OSGIN1: variants seen among roughly 807,000 people sequenced by gnomAD.
OSGIN1 encodes oxidative stress induced growth inhibitor 1.
OSGIN1 carries 19 observed loss-of-function variants against 20.1 expected under a neutral mutation model. The ratio of observed to expected loss-of-function variants is 0.95; its 90% CI spans 0.66 to 1.39. The LOEUF is 1.39. Among genes scored for constraint, OSGIN1 ranks in the 40% most tolerant of loss-of-function variants. The probability of loss-of-function intolerance (pLI) is 0.00; values close to 1 mark genes in which losing one functional copy is unlikely to be tolerated. For missense variants in OSGIN1, 820 were observed against 653.0 expected (o/e 1.26, Z -2.79); for synonymous variants, 368 against 297.8 (o/e 1.24, Z -2.43).
chr16:83,953,839 T>A (rs1054369471), intron 1 of OSGIN1, among the ~76,000 whole-genome samples: 8 of 152,142 alleles, frequency 5.3e-5, no homozygotes, highest in Admixed American at 1.3e-4. Context: ...TTAGCTTCTC[T>A]CAGGAGGCTC....
rs750315102 is a variant in OSGIN1 at position 83,965,581 on chromosome 16, G to T, written c.1008G>T (p.Glu336Asp). ...AGCTGCCCAAGATGCTGTACCCCGA[G>T]TACCACAAGGTGCACCAGATGATGC... ...FNQLPKMLYP[E>D]YHKVHQMMRE... Residue 336 changes from glutamate (E) to aspartate (D), a missense_variant, in exon 6 of 6, where the codon GAG (glutamate) becomes GAT (aspartate). Coordinates refer to ENST00000393306, the MANE Select transcript of OSGIN1 (RefSeq NM_182981.3). 6.2e-7 allele frequency: 1 copy of T among 1,612,884 alleles called. No homozygotes were observed. The highest frequency in any genetic ancestry group is 8.5e-7 in the Non-Finnish European group (1 of 1,180,020).
intron 1 of OSGIN1, among the ~76,000 whole-genome samples, chr16:83,953,622 A>G (rs1029409689): frequency 2.6e-5 from 4 of 152,194 alleles, no homozygotes; most frequent in South Asian, 4.1e-4. Context: ...TGAAGCGGCC[A>G]CAGTCCCAGC....
At chr16:83,964,192 T>G (rs2084248966) in intron 5 of OSGIN1, among the ~76,000 whole-genome samples, 1 of 152,096 alleles carries the variant, frequency 6.6e-6, no homozygotes, top group South Asian at 2.1e-4. Context: ...TAGTTCCAGC[T>G]GCTCAGGAGG....
chr16:83,959,962 TG>T (rs2151076856), intron 3 of OSGIN1, among the ~76,000 whole-genome samples: 1 of 152,270 alleles, frequency 6.6e-6, no homozygotes, highest in African/African-American at 2.4e-5. Flanking sequence ...CCGTACCCCT[TG>T]TCTTCCACTG....
At chr16:83,964,690 C>T (rs933240550) in intron 5 of OSGIN1, among the ~76,000 whole-genome samples, 1 of 152,172 alleles carries the variant, frequency 6.6e-6, no homozygotes, top group South Asian at 2.1e-4. Flanking sequence ...CACGACCTCA[C>T]GAAATAGGTC....
intron 5 of OSGIN1, among the ~76,000 whole-genome samples, chr16:83,961,439 C>A (rs902966261): frequency 6.6e-6 from 1 of 152,136 alleles, no homozygotes; most frequent in Non-Finnish European, 1.5e-5. Context: ...ATGAGGCGAT[C>A]AGATACGCAT....
Position 83,966,179 on chromosome 16 carries a change from T to C in OSGIN1, c.*172T>C, listed in dbSNP as rs1407291603. 5.0e-6 allele frequency: 3 copies of C among 605,406 alleles called. No homozygotes were observed. Among genetic ancestry groups the C allele is most frequent in the South Asian group, 4.4e-5 (2 of 45,640 alleles). The allele number at this position is 605,406 out of a possible 1,614,324, so 37.5% of individuals were successfully genotyped here. The stretch of plus-strand genomic sequence containing the variant: ...AGGCTGCCCTGGACTTAGACCAGTG[T>C]CTGAGGTGGTAACAGCGGCCGCAGG... On this transcript the variant is annotated 3_prime_UTR_variant, in exon 6 of 6. Transcript: ENST00000393306.
chr16:83,960,562 C>G lies in OSGIN1; in HGVS notation c.205-7C>G, dbSNP rs201665235. 188 of 1,611,824 alleles carry G rather than the reference C, an allele frequency of 1.2e-4. No homozygotes were observed. The East Asian group carries it at 2.6e-3, about 22-fold the overall frequency. On this transcript the variant is annotated splice_region_variant and splice_polypyrimidine_tract_variant and intron_variant, in intron 3 of 5. Transcript: ENST00000393306. ...CAGCAGCCCCTCTGACCTATGCCCC[C>G]CTCCAGGACCTGGACTACCTGTCCG...
Position 83,965,431 on chromosome 16 carries a change from C to A in OSGIN1, c.858C>A (p.Asp286Glu). The A allele has an allele frequency of 6.3e-7, 1 of 1,590,456 alleles. No homozygotes were observed. Among genetic ancestry groups the A allele is most frequent in the Non-Finnish European group, 8.5e-7 (1 of 1,172,576 alleles). The change falls in exon 6 of 6, where the codon GAC becomes GAA. Residue 286 changes from aspartate (D) to glutamate (E), a missense_variant. Physicochemically the swap from Asp to Glu is conservative, Grantham distance 45. Coordinates refer to ENST00000393306, the MANE Select transcript of OSGIN1 (RefSeq NM_182981.3). Reference protein sequence around the residue: ...TRVGAVTPASDPVLIIGAGLS... With the variant: ...TRVGAVTPASEPVLIIGAGLS... ...TGGGTGCGGTGACCCCGGCCTCAGA[C>A]CCTGTCCTCATCATTGGCGCGGGGC...
In OSGIN1 at chr16:83,959,388, C is replaced by T. The variant is rs771647759; in HGVS notation, c.196C>T (p.Leu66=). Residue 66 remains leucine, a synonymous_variant, in exon 3 of 6, where the codon CTG becomes TTG. Coordinates refer to ENST00000393306, the MANE Select transcript of OSGIN1 (RefSeq NM_182981.3). ...KLTEAPGVSI[L]DQDLDYLSEG... is the part of the protein sequence containing the mutation. ...CACCGAGGCCCCGGGGGTCTCCATC[C>T]TGGACCAGGTGGGTCAGCCTGGGGC... The T allele has an allele frequency of 1.4e-5, 22 of 1,613,760 alleles. No individual in the cohort carries two copies. In the South Asian group the frequency reaches 2.0e-4, roughly 14 times the overall value.
In OSGIN1 at chr16:83,965,799, G is replaced by T. The variant is rs778942654; in HGVS notation, c.1226G>T (p.Gly409Val). Residue 409 changes from glycine to valine, a missense_variant, in exon 6 of 6, where the codon GGG becomes GTG. Gly to Val is a moderately radical substitution (Grantham distance 109). Coordinates refer to ENST00000393306, the MANE Select transcript of OSGIN1 (RefSeq NM_182981.3). The stretch of plus-strand genomic sequence containing the variant: ...GACCTCTCCTTCCTGCCTGGGGCAG[G>T]GGCTGACTTTGCAGTGGATCCTGAC... ...HPDLSFLPGA[G>V]ADFAVDPDQP... 1 of 1,612,980 alleles carries T rather than the reference G, an allele frequency of 6.2e-7. No individual in the cohort carries two copies. Among genetic ancestry groups the T allele is most frequent in the African/African-American group, 1.3e-5 (1 of 74,928 alleles).
At chr16:83,956,691 G>A (rs746134562) in intron 1 of OSGIN1, among the ~76,000 whole-genome samples, 5 of 152,166 alleles carry the variant, frequency 3.3e-5, no homozygotes, top group African/African-American at 4.8e-5. Context: ...AGCGTGAGGC[G>A]GATATGAGAA....
In OSGIN1 at chr16:83,965,196, C is replaced by A. The variant is rs754150189; in HGVS notation, c.623C>A (p.Pro208His). The change falls in exon 6 of 6, where the codon CCC becomes CAC. Residue 208 changes from proline (P) to histidine (H), a missense_variant. Transcript: ENST00000393306. ...GCCGTGGAGTGGGGGACCCCCGATC[C>A]CAGCAGCTGTGGGGCCCAGGACTCC... ...VTAVEWGTPD[P>H]SSCGAQDSSP... 1 of 1,613,260 alleles carries A rather than the reference C, an allele frequency of 6.2e-7. No individual in the cohort carries two copies. Among genetic ancestry groups the A allele is most frequent in the Non-Finnish European group, 8.5e-7 (1 of 1,180,008 alleles).
chr16:83,957,102 TC>T (rs1286849152), intron 1 of OSGIN1: 3 of 153,048 alleles, frequency 2.0e-5, no homozygotes, highest in Non-Finnish European at 2.9e-5. Context: ...TCCTACTGTG[TC>T]CCTCAACCAC....
At position 83,965,434 on chromosome 16, in the gene OSGIN1, T is replaced by C. The variant is rs566932575; in HGVS notation, c.861T>C (p.Pro287=). 4.1e-5 allele frequency: 66 copies of C among 1,591,598 alleles called. No individual in the cohort carries two copies. In the Middle Eastern group the frequency reaches 1.3e-3, roughly 32 times the overall value. ...GTGCGGTGACCCCGGCCTCAGACCC[T>C]GTCCTCATCATTGGCGCGGGGCTGT... ...RVGAVTPASD[P]VLIIGAGLSA... Residue 287 remains proline, a synonymous_variant, in exon 6 of 6, where the codon CCT becomes CCC. Transcript: ENST00000393306.
At chr16:83,957,859 T>TTTTTTTTATTTA (rs1555544028) in intron 2 of OSGIN1, 121 bp downstream of exon 2, 13 of 366,580 alleles carry the variant, frequency 3.5e-5, no homozygotes, top group South Asian at 2.7e-4. Context: ...GGGGTTTATT[T>TTTTTTTTATTTA]TTTATTTATT....
Position 83,960,630 on chromosome 16 carries a change from TTGA to T in OSGIN1, c.269_271del (p.Asp90del). On this transcript the variant is annotated inframe_deletion, in exon 4 of 6. Coordinates refer to ENST00000393306, the MANE Select transcript of OSGIN1 (RefSeq NM_182981.3). The stretch of plus-strand genomic sequence containing the variant: ...TCCCAAAGCCCCGTGGCCCTGCTCT[TTGA>T]TGCCCTTCTACGCCCAGACACAGAC... 1.9e-6 allele frequency: 3 copies of T among 1,613,574 alleles called. No individual in the cohort carries two copies. The highest frequency in any genetic ancestry group is 2.5e-6 in the Non-Finnish European group (3 of 1,180,026).
At chr16:83,959,999 G>C (rs1040884566) in intron 3 of OSGIN1, among the ~76,000 whole-genome samples, 1 of 152,048 alleles carries the variant, frequency 6.6e-6, no homozygotes, top group African/African-American at 2.4e-5. Flanking sequence ...TCCCCTTGTC[G>C]ACCTCCCTCG....
At chr16:83,964,458 C>G (rs1189079944) in intron 5 of OSGIN1, among the ~76,000 whole-genome samples, 1 of 152,176 alleles carries the variant, frequency 6.6e-6, no homozygotes, top group Non-Finnish European at 1.5e-5. Flanking sequence ...CCCCCATGCC[C>G]TTTCTGATCA....
Sources: allele counts gnomAD v4.1 joint callset (sites outside exome capture counted in the v4.1 genomes callset), GRCh38; gene constraint gnomAD v4.1.1; transcripts MANE v1.5; gene names NCBI Gene and HGNC (gene_info 2026-07-23, HGNC 2026-07-21).